SND1: variants seen among roughly 807,000 people sequenced by gnomAD.
SND1 encodes the protein staphylococcal nuclease and tudor domain containing 1.
A neutral mutation model predicts 121.7 loss-of-function variants in SND1; 38 were observed. The ratio of observed to expected loss-of-function variants is 0.31; its 90% CI spans 0.24 to 0.41. The LOEUF (loss-of-function observed/expected upper bound fraction) is 0.41. SND1 is among the 10% of genes least tolerant of loss of function. The probability of loss-of-function intolerance (pLI) is 1.00; values close to 1 mark genes in which losing one functional copy is unlikely to be tolerated. For synonymous variants in SND1, 401 were observed against 447.4 expected, an observed-to-expected ratio of 0.90 and a Z score of 1.31; for missense variants, 868 against 1,184.6, an observed-to-expected ratio of 0.73 and a Z score of 3.92.
intron 12 of SND1, among the ~76,000 whole-genome samples, chr7:127,860,817 G>T (rs1799363721): frequency 6.6e-6 from 1 of 152,058 alleles, no homozygotes. Flanking sequence ...TAAATATTTG[G>T]GGTGATGAAA....
At chr7:127,673,830 A>T (rs1245554955) in intron 1 of SND1, among the ~76,000 whole-genome samples, 1 of 151,998 alleles carries the variant, frequency 6.6e-6, no homozygotes, top group African/African-American at 2.4e-5. Flanking sequence ...GCTGGTTCTT[A>T]TGTCGTTTTG....
At chr7:127,832,227 ACAC>A (rs1057498781) in intron 11 of SND1, among the ~76,000 whole-genome samples, 46 of 152,248 alleles carry the variant, frequency 3.0e-4, no homozygotes, top group Non-Finnish European at 7.3e-5. Flanking sequence ...AATGCAAAGG[ACAC>A]CACATTTGTA....
chr7:128,048,811 A>T (rs1377844240), intron 16 of SND1, among the ~76,000 whole-genome samples: 1 of 152,164 alleles, frequency 6.6e-6, no homozygotes. Flanking sequence ...CAGTTCTCCA[A>T]ATAAAATATT....
intron 14 of SND1, among the ~76,000 whole-genome samples, chr7:127,918,537 T>C (rs1410035515): frequency 1.3e-5 from 2 of 152,230 alleles, no homozygotes; most frequent in Admixed American, 1.3e-4. Flanking sequence ...TTTATTTCTT[T>C]TTCTTTTAAG....
intron 11 of SND1, among the ~76,000 whole-genome samples, chr7:127,809,584 A>G (rs1204913182): frequency 2.0e-5 from 3 of 152,200 alleles, no homozygotes; most frequent in Admixed American, 2.0e-4. Flanking sequence ...GCTGTTCAGC[A>G]TGGCACATGG....
intron 15 of SND1, among the ~76,000 whole-genome samples, 188 bp downstream of exon 15, chr7:127,929,517 C>G (rs1057210726): frequency 6.6e-6 from 1 of 152,142 alleles, no homozygotes; most frequent in African/African-American, 2.4e-5. Context: ...CACTGCACCC[C>G]CTTTCTGCTC....
chr7:127,812,575 C>CTT (rs148298622), intron 11 of SND1, among the ~76,000 whole-genome samples: 1 of 152,004 alleles, frequency 6.6e-6, no homozygotes, highest in Non-Finnish European at 1.5e-5. Context: ...ACAGGTGTTG[C>CTT]TTTTTTTTAT....
At chr7:127,833,681 TGAGAGAGAGA>T (rs149925222) in intron 11 of SND1, among the ~76,000 whole-genome samples, 1 of 149,246 alleles carries the variant, frequency 6.7e-6, no homozygotes, top group East Asian at 1.9e-4. Context: ...CCTGGGGGGT[TGAGAGAGAGA>T]GAGAGAGAGA....
intron 16 of SND1, among the ~76,000 whole-genome samples, chr7:128,062,036 C>T (rs1231609014): frequency 6.6e-6 from 1 of 152,234 alleles, no homozygotes; most frequent in Non-Finnish European, 1.5e-5. Context: ...ATGCACAGTC[C>T]CCCACAGTGT....
intron 12 of SND1, among the ~76,000 whole-genome samples, chr7:127,880,366 A>G (rs1474916583): frequency 6.6e-6 from 1 of 152,166 alleles, no homozygotes; most frequent in Non-Finnish European, 1.5e-5. Flanking sequence ...ACTATGTGCA[A>G]TTTCAGGCAT....
chr7:128,028,566 CAT>C (rs1803549061), intron 16 of SND1: 2 of 1,006,212 alleles, frequency 2.0e-6, no homozygotes, highest in African/African-American at 1.6e-5. Flanking sequence ...TTAACCAGCC[CAT>C]AGACTTAATA....
At chr7:127,844,253 A>G (rs1234578498) in intron 11 of SND1, 71 bp from the exon 12 acceptor site, 3 of 1,164,372 alleles carry the variant, frequency 2.6e-6, no homozygotes, top group Non-Finnish European at 3.8e-6. Flanking sequence ...ACAGTTGAGC[A>G]GGCACATGTG....
intron 10 of SND1, among the ~76,000 whole-genome samples, chr7:127,796,251 T>G (rs1163298887): frequency 6.6e-6 from 1 of 152,142 alleles, no homozygotes; most frequent in Non-Finnish European, 1.5e-5. Flanking sequence ...GCCTTCATTC[T>G]ATGAATTTGC....
chr7:127,778,444 A>G (rs1228334043), intron 10 of SND1, among the ~76,000 whole-genome samples: 1 of 152,152 alleles, frequency 6.6e-6, no homozygotes, highest in African/African-American at 2.4e-5. Context: ...TGATCTGCCC[A>G]CCTTGGCCTC....
intron 10 of SND1, among the ~76,000 whole-genome samples, chr7:127,762,867 A>G (rs1307025303): frequency 6.6e-6 from 1 of 152,244 alleles, no homozygotes; most frequent in Non-Finnish European, 1.5e-5. Flanking sequence ...ATGCAATGGC[A>G]TCATGTTTTG....
rs556056692 is a variant in SND1 at position 127,771,240 on chromosome 7, T to TGG, written c.1153-36240_1153-36239dup. 1.6e-3 allele frequency among the ~76,000 whole-genome samples: 238 copies of TGG among 152,284 alleles called. 1 individual carries two copies. Among genetic ancestry groups the TGG allele is most frequent in the African/African-American group, 5.5e-3 (229 of 41,554 alleles). On this transcript the variant is annotated intron_variant, in intron 10 of 23. Transcript: ENST00000354725. The stretch of plus-strand genomic sequence containing the variant: ...AGTTAAGCAAAGAAAATGATCAGCT[T>TGG]GGGGGCCACAGGCTAATTCTTGGCA...
intron 2 of SND1, among the ~76,000 whole-genome samples, chr7:127,690,484 T>G (rs1053378484): frequency 6.6e-6 from 1 of 152,206 alleles, no homozygotes; most frequent in African/African-American, 2.4e-5. Context: ...TTCAGCCACT[T>G]AAGAAATCAC....
At chr7:128,004,877 T>C (rs1281604006) in intron 16 of SND1, among the ~76,000 whole-genome samples, 1 of 152,240 alleles carries the variant, frequency 6.6e-6, no homozygotes, top group East Asian at 1.9e-4. Flanking sequence ...GACCCAGGCC[T>C]CTGATATTCA....
At chr7:127,970,766 G>A (rs1801965986) in intron 15 of SND1, among the ~76,000 whole-genome samples, 1 of 151,970 alleles carries the variant, frequency 6.6e-6, no homozygotes, top group African/African-American at 2.4e-5. Context: ...CATGTGATAT[G>A]TATATTAAAT....
Sources: gnomAD v4.1 joint callset for allele counts (sites outside exome capture counted in the v4.1 genomes callset) on GRCh38, gnomAD v4.1.1 for gene constraint, MANE v1.5 for transcripts, NCBI Gene and HGNC (gene_info 2026-07-23, HGNC 2026-07-21) for gene names.